Variants in PSMG2 observed in about 807,000 individuals in gnomAD.
PSMG2 encodes the protein proteasome assembly chaperone 2.
PSMG2 carries 21 observed loss-of-function variants against 31.5 expected under a neutral mutation model. The observed-to-expected ratio is 0.67, with a 90% CI of 0.47 to 0.96. The LOEUF is 0.96. Among genes scored for constraint, PSMG2 ranks in the 40% least tolerant of loss-of-function variants. The pLI is 0.00. For missense variants in PSMG2, 318 were observed against 321.2 expected (o/e 0.99, Z 0.08); for synonymous variants, 120 against 110.4 (o/e 1.09, Z -0.54).
intron 1 of PSMG2, chr18:12,674,441 TAA>T (rs34769779): frequency 0.12 from 78,292 of 676,494 alleles, 2 homozygotes; most frequent in South Asian, 0.16. Context: ...GACCTTGAGT[TAA>T]AAAAAAAAAA....
At chr18:12,708,662 C>T (rs901343699) in intron 2 of PSMG2, among the ~76,000 whole-genome samples, 3 of 147,542 alleles carry the variant, frequency 2.0e-5, no homozygotes, top group South Asian at 2.1e-4. Context: ...CTGCGCCCAG[C>T]GGCGTTTACA....
At chr18:12,698,824 TG>T, upstream of PSMG2, 1 of 599,482 alleles carries the variant, frequency 1.7e-6, no homozygotes, top group East Asian at 2.8e-5. Flanking sequence ...TGCAAGAAGG[TG>T]GATAGTAGTT....
upstream of PSMG2, among the ~76,000 whole-genome samples, chr18:12,698,163 TA>T (rs2040022956): frequency 7.3e-6 from 1 of 137,440 alleles, no homozygotes; most frequent in African/African-American, 3.6e-5. Context: ...TTATTTTATT[TA>T]TATTTATTTG....
At chr18:12,682,051 A>C (rs988652256) in intron 1 of PSMG2, among the ~76,000 whole-genome samples, 1 of 152,172 alleles carries the variant, frequency 6.6e-6, no homozygotes, top group African/African-American at 2.4e-5. Context: ...TCTGTGAAAA[A>C]AATTACCAAG....
chr18:12,671,648 T>TC (rs1390750594), intron 1 of PSMG2, among the ~76,000 whole-genome samples: 4 of 135,300 alleles, frequency 3.0e-5, no homozygotes, highest in Non-Finnish European at 6.3e-5. Context: ...CTTTCTTTTT[T>TC]TTTTTTTTTT....
intron 1 of PSMG2, among the ~76,000 whole-genome samples, chr18:12,690,443 C>T (rs1165119273): frequency 6.6e-6 from 1 of 151,794 alleles, no homozygotes; most frequent in African/African-American, 2.4e-5. Flanking sequence ...AATACGTGAA[C>T]CTGACCACAT....
Position 12,725,511 on chromosome 18 carries a change from C to CT in PSMG2, c.777dup (p.Pro260SerfsTer8), listed in dbSNP as rs1436504692. 1 of 1,598,034 alleles carries CT rather than the reference C, an allele frequency of 6.3e-7. No homozygotes were observed. Among genetic ancestry groups the CT allele is most frequent in the South Asian group, 1.1e-5 (1 of 90,632 alleles). ...TTGGAGATTACTCTTTGGCAGTGGT[C>CT]TTCCCCCTGCACTTTTCTGATCTAA... On this transcript the variant is annotated frameshift_variant, in exon 7 of 7. Coordinates refer to ENST00000317615, the MANE Select transcript of PSMG2 (RefSeq NM_020232.5). LOFTEE classifies it high-confidence loss of function.
chr18:12,688,889 C>T (rs985287063), intron 1 of PSMG2, among the ~76,000 whole-genome samples: 12 of 151,826 alleles, frequency 7.9e-5, no homozygotes, highest in Admixed American at 2.0e-4. Context: ...CCGAGGCGGG[C>T]GGGTCATGAG....
chr18:12,702,788 G>C (rs1239392729), upstream of PSMG2: 1 of 573,576 alleles, frequency 1.7e-6, no homozygotes, highest in Non-Finnish European at 3.0e-6. Context: ...GCTTGGGGCT[G>C]GCCCGCACGC....
chr18:12,674,420 C>T, intron 1 of PSMG2: 1 of 706,546 alleles, frequency 1.4e-6, no homozygotes, highest in East Asian at 2.7e-5. Context: ...CCAGCATGGG[C>T]AGCAGAGCAA....
At chr18:12,666,339 AATT>A (rs1299799925) in intron 1 of PSMG2, among the ~76,000 whole-genome samples, 1 of 151,916 alleles carries the variant, frequency 6.6e-6, no homozygotes, top group Non-Finnish European at 1.5e-5. Flanking sequence ...CAAAATAAAA[AATT>A]ATTATCTTGC....
rs746908656 is a variant in PSMG2, at chr18:12,686,233, T to C, written c.-36-20317T>C. Reference sequence around the variant, plus strand: ...ATTCAGAGTAACTATGATATACTGCTACTTAATTCTATTATGTGTGTATAA... The same window carrying C: ...ATTCAGAGTAACTATGATATACTGCCACTTAATTCTATTATGTGTGTATAA... On this transcript the variant is annotated intron_variant, in intron 1 of 6. Coordinates refer to the PSMG2 transcript ENST00000585331. The C allele has an allele frequency of 1.4e-4, 217 of 1,545,792 alleles. No individual in the cohort carries two copies. In the Admixed American group the frequency reaches 3.9e-3, roughly 28 times the overall value.
chr18:12,691,306 T>G lies in PSMG2; in HGVS notation c.-36-15244T>G, dbSNP rs768335822. 9 of 1,157,454 alleles carry G rather than the reference T, an allele frequency of 7.8e-6. No individual in the cohort carries two copies. The Admixed American group carries it at 1.9e-4, about 25-fold the overall frequency. The allele number at this position is 1,157,454 out of a possible 1,614,324, so 71.7% of individuals were successfully genotyped here. Reference sequence around the variant, plus strand: ...AAATATTAAATGAAATTTACACACATAACAGTAAATCTCAAATACAGGCAT... The same window carrying G: ...AAATATTAAATGAAATTTACACACAGAACAGTAAATCTCAAATACAGGCAT... On this transcript the variant is annotated intron_variant, in intron 1 of 6. Coordinates refer to the PSMG2 transcript ENST00000585331.
At chr18:12,682,611 C>T (rs1480544012) in intron 1 of PSMG2, among the ~76,000 whole-genome samples, 1 of 151,804 alleles carries the variant, frequency 6.6e-6, no homozygotes, top group South Asian at 2.1e-4. Flanking sequence ...ATGTAATAAC[C>T]AATCTTTTAT....
Position 12,673,232 on chromosome 18 carries a change from T to G in PSMG2, c.-37+14459T>G, listed in dbSNP as rs9960249. ...TTTTTTTTAAACATTACCAGTCAAG[T>G]ATATACAAAATTGAAGTATGCCATT... On this transcript the variant is annotated intron_variant, in intron 1 of 6. Transcript: ENST00000585331. 3.8e-3 allele frequency: 5,446 copies of G among 1,424,146 alleles called. 199 individuals are homozygous for G. In the African/African-American group the frequency reaches 0.071, roughly 19 times the overall value. 88.2% of individuals were successfully genotyped at this position (1,424,146 alleles called of 1,614,324 possible). A position where few individuals can be genotyped will look rare whatever the true frequency, so the allele number is the denominator to read the frequency against.
At chr18:12,671,583 A>AACACTTT (rs1193717221) in intron 1 of PSMG2, among the ~76,000 whole-genome samples, 1 of 146,384 alleles carries the variant, frequency 6.8e-6, no homozygotes, top group Non-Finnish European at 1.5e-5. Flanking sequence ...TTGTTCACTT[A>AACACTTT]ACACTTTTTT....
chr18:12,694,115 G>C (rs2039865920), intron 1 of PSMG2, among the ~76,000 whole-genome samples: 1 of 152,142 alleles, frequency 6.6e-6, no homozygotes, highest in Non-Finnish European at 1.5e-5. Context: ...GTATTTATTT[G>C]AGTAACATCA....
intron 1 of PSMG2, chr18:12,691,532 T>TA: frequency 7.1e-7 from 1 of 1,406,796 alleles, no homozygotes. Context: ...TCATTATCTT[T>TA]AATTACTACA....
Position 12,680,827 on chromosome 18 carries a change from C to A in PSMG2, c.-37+22054C>A, listed in dbSNP as rs981530115. On this transcript the variant is annotated intron_variant, in intron 1 of 6. Transcript: ENST00000585331. ...AAGGTTAGCGTGATCTTCACAGTCA[C>A]CCTGGAAGATAAATTAAAATGAAGT... is the stretch of plus-strand genomic sequence containing the variant. 11 of 1,602,098 alleles carry A rather than the reference C, an allele frequency of 6.9e-6. No homozygotes were observed. The highest frequency in any genetic ancestry group is 1.3e-5 in the African/African-American group (1 of 74,298).
Sources: gnomAD v4.1 joint callset for allele counts (sites outside exome capture counted in the v4.1 genomes callset) on GRCh38, gnomAD v4.1.1 for gene constraint, MANE v1.5 for transcripts, NCBI Gene and HGNC (gene_info 2026-07-23, HGNC 2026-07-21) for gene names.